The following TBP variants were observed in gnomAD, a reference collection of about 807,000 sequenced individuals.
TBP encodes TATA-box-binding protein.
Under a neutral mutation model 46.2 loss-of-function variants are expected in TBP, and 12 were observed. That is an observed-to-expected ratio of 0.26 (90% confidence interval 0.17 to 0.42). TBP has a LOEUF of 0.42. Ranked by LOEUF, TBP falls within the 10% of genes least tolerant of loss-of-function variation. TBP has a pLI of 1.00. For synonymous variants in TBP, 157 were observed against 148.3 expected (o/e 1.06, Z -0.42); for missense variants, 229 against 403.1 (o/e 0.57, Z 3.70).
chr6:170,570,226 G>T (rs1292184877), intron 6 of TBP, among the ~76,000 whole-genome samples: 1 of 152,186 alleles, frequency 6.6e-6, no homozygotes, highest in African/African-American at 2.4e-5. Context: ...CTCACAGGCA[G>T]GCAGCCCTGC....
chr6:170,567,152 T>C (rs1779270321), intron 5 of TBP, 143 bp downstream of exon 5: 2 of 304,514 alleles, frequency 6.6e-6, no homozygotes, highest in Non-Finnish European at 1.1e-5. Context: ...TTCTATTAAT[T>C]ATTTTTATTT....
intron 5 of TBP, among the ~76,000 whole-genome samples, chr6:170,569,218 T>C (rs1004659614): frequency 4.6e-5 from 7 of 152,252 alleles, no homozygotes; most frequent in Admixed American, 2.0e-4. Context: ...TAAAAGAGGA[T>C]AGAATTAGTG....
chr6:170,564,253 C>T (rs1475387868), intron 3 of TBP, among the ~76,000 whole-genome samples: 13 of 152,222 alleles, frequency 8.5e-5, no homozygotes, highest in Admixed American at 8.5e-4. Flanking sequence ...GGCTCCTCCA[C>T]TTGGGAGCCA....
At position 170,562,014 on chromosome 6, in the gene TBP, AG is replaced by A. The variant is rs757770542; in HGVS notation, c.279del (p.Gln93HisfsTer51). On this transcript the variant is annotated frameshift_variant, in exon 3 of 8. Coordinates refer to ENST00000392092, the MANE Select transcript of TBP (RefSeq NM_003194.5). LOFTEE classifies it high-confidence loss of function. ...QQQQQQQQQQ[Q>X]QQAVAAAAVQ... Reference sequence around the variant, plus strand: ...CAGCAGCAGCAGCAGCAGCAGCAGCAGCAACAGGCAGTGGCAGCTGCAGCCG... The same window carrying A: ...CAGCAGCAGCAGCAGCAGCAGCAGCACAACAGGCAGTGGCAGCTGCAGCCG... The A allele has an allele frequency of 1.7e-4, 272 of 1,599,772 alleles. No individual in the cohort carries two copies. The highest frequency in any genetic ancestry group is 1.2e-3 in the Middle Eastern group (7 of 5,996).
At chr6:170,570,337 T>C (rs962010616) in intron 6 of TBP, among the ~76,000 whole-genome samples, 3 of 152,182 alleles carry the variant, frequency 2.0e-5, no homozygotes, top group African/African-American at 7.2e-5. Context: ...CCCTAGGCCT[T>C]TGCACTTGCC....
chr6:170,564,778 T>C (rs1171038749), intron 4 of TBP, 146 bp downstream of exon 4: 3 of 390,424 alleles, frequency 7.7e-6, no homozygotes, highest in African/African-American at 2.1e-5. Flanking sequence ...CCCAGCACTT[T>C]GGGAGGCTGA....
intron 2 of TBP, among the ~76,000 whole-genome samples, chr6:170,558,890 C>T (rs752199935): frequency 6.6e-6 from 1 of 152,086 alleles, no homozygotes; most frequent in South Asian, 2.1e-4. Context: ...GACGGAGTTT[C>T]ACCATGCTGG....
chr6:170,558,899 G>A (rs1342379745), intron 2 of TBP, among the ~76,000 whole-genome samples: 1 of 152,014 alleles, frequency 6.6e-6, no homozygotes, highest in African/African-American at 2.4e-5. Flanking sequence ...TCACCATGCT[G>A]GTGTCAAACT....
At chr6:170,563,641 T>G (rs1007682821) in intron 3 of TBP, among the ~76,000 whole-genome samples, 1 of 152,208 alleles carries the variant, frequency 6.6e-6, no homozygotes, top group Non-Finnish European at 1.5e-5. Context: ...TATCATAGAC[T>G]GTACAAGAAA....
intron 4 of TBP, 24 bp downstream of exon 4, chr6:170,564,656 C>T: frequency 7.0e-7 from 1 of 1,426,994 alleles, no homozygotes; most frequent in Non-Finnish European, 9.5e-7. Flanking sequence ...TAATGTATTT[C>T]TTTTTTTTTT....
Position 170,557,060 on chromosome 6 carries a change from G to A in TBP, c.31G>A (p.Ala11Thr), listed in dbSNP as rs764142412. The A allele has an allele frequency of 4.3e-5, 70 of 1,614,022 alleles. No homozygotes were observed. The highest frequency in any genetic ancestry group is 6.6e-5 in the South Asian group (6 of 91,086). ...TCAGAACAACAGCCTGCCACCTTAC[G>A]CTCAGGGCTTGGCCTCCCCTCAGGT... is the stretch of plus-strand genomic sequence containing the variant. MDQNNSLPPY[A>T]QGLASPQGAM... The change falls in exon 2 of 8, where the codon GCT (alanine) becomes ACT (threonine). Residue 11 changes from alanine to threonine, a missense_variant. Physicochemically the swap from Ala to Thr is moderately conservative, Grantham distance 58. Around this residue, in one of 4 missense-constraint regions of TBP, gnomAD observed 49 missense variants for 94.7 expected, o/e 0.52. Transcript: ENST00000392092.
chr6:170,559,817 C>G (rs887967293), intron 2 of TBP, among the ~76,000 whole-genome samples: 4 of 152,188 alleles, frequency 2.6e-5, no homozygotes, highest in Non-Finnish European at 4.4e-5. Flanking sequence ...TGCCTAGCCT[C>G]AAAGCTTCAG....
Position 170,562,150 on chromosome 6 carries a change from G to A in TBP, c.414G>A (p.Leu138=), listed in dbSNP as rs1388693075. The change falls in exon 3 of 8, where the codon CTG becomes CTA. Residue 138 remains leucine (L), a synonymous_variant. Coordinates refer to ENST00000392092, the MANE Select transcript of TBP (RefSeq NM_003194.5). The part of the protein sequence containing the change: ...TTAPLPGTTP[L]YPSPMTPMTP... ...CACCCTTGCCGGGCACCACTCCACT[G>A]TATCCCTCCCCCATGACTCCCATGA... 6.2e-7 allele frequency: 1 copy of A among 1,614,102 alleles called. No individual in the cohort carries two copies. Among genetic ancestry groups the A allele is most frequent in the East Asian group, 2.2e-5 (1 of 44,872 alleles).
rs764009292 is a variant in TBP, at chr6:170,562,002, A to G, written c.266A>G (p.Gln89Arg). The G allele has an allele frequency of 1.1e-5, 17 of 1,607,222 alleles. No individual in the cohort carries two copies. The highest frequency in any genetic ancestry group is 2.2e-5 in the East Asian group (1 of 44,690). ...CAGCAGCAGCAGCAGCAGCAGCAGC[A>G]GCAGCAGCAGCAGCAACAGGCAGTG... is the stretch of plus-strand genomic sequence containing the variant. ...QQQQQQQQQQ[Q>R]QQQQQQAVAA... Residue 89 changes from glutamine to arginine, a missense_variant, in exon 3 of 8, where the codon CAG (glutamine) becomes CGG (arginine). Physicochemically the swap from Gln to Arg is conservative, Grantham distance 43. Coordinates refer to ENST00000392092, the MANE Select transcript of TBP (RefSeq NM_003194.5).
intron 2 of TBP, among the ~76,000 whole-genome samples, chr6:170,558,484 CCACCT>C (rs916829306): frequency 6.6e-6 from 1 of 152,096 alleles, no homozygotes; most frequent in African/African-American, 2.4e-5. Context: ...ATACACAGGC[CCACCT>C]CACTTTACTG....
At chr6:170,571,365 A>G in intron 6 of TBP, 45 bp from the exon 7 acceptor site, 1 of 1,406,318 alleles carries the variant, frequency 7.1e-7, no homozygotes, top group Middle Eastern at 2.4e-4. Flanking sequence ...ATCTAAAAGC[A>G]CACAAAGCTC....
In TBP at chr6:170,569,729, G is replaced by A. The variant is rs564803550; in HGVS notation, c.795G>A (p.Lys265=). 3.1e-6 allele frequency: 5 copies of A among 1,614,120 alleles called. No homozygotes were observed. Among genetic ancestry groups the A allele is most frequent in the Admixed American group, 1.7e-5 (1 of 60,016 alleles). Residue 265 remains lysine (K), a synonymous_variant, in exon 6 of 8, where the codon AAG becomes AAA. Coordinates refer to ENST00000392092, the MANE Select transcript of TBP (RefSeq NM_003194.5). ...IQNMVGSCDV[K]FPIRLEGLVL... is the part of the protein sequence containing the mutation. Reference sequence around the variant, plus strand: ...ATATGGTGGGGAGCTGTGATGTGAAGTTTCCTATAAGGTTAGAAGGCCTTG... The same window carrying A: ...ATATGGTGGGGAGCTGTGATGTGAAATTTCCTATAAGGTTAGAAGGCCTTG...
Position 170,572,345 on chromosome 6 carries a change from A to C in TBP, c.*80A>C. 8.5e-7 allele frequency: 1 copy of C among 1,175,388 alleles called. No homozygotes were observed. The allele number at this position is 1,175,388 out of a possible 1,614,324, so 72.8% of individuals were successfully genotyped here. ...AATCAGTTTGTTTTGGTACCTTTAA[A>C]TGGTGGTGTTGTGAGAAGATGGATG... On this transcript the variant is annotated 3_prime_UTR_variant, in exon 8 of 8. Coordinates refer to ENST00000392092, the MANE Select transcript of TBP (RefSeq NM_003194.5).
intron 4 of TBP, among the ~76,000 whole-genome samples, chr6:170,566,133 A>G (rs189438923): frequency 1.3e-5 from 2 of 152,270 alleles, no homozygotes; most frequent in Non-Finnish European, 2.9e-5. Flanking sequence ...TAGTTTGTCA[A>G]AGAGTCGTCT....
Sources: gnomAD v4.1 joint callset for allele counts (sites outside exome capture counted in the v4.1 genomes callset) on GRCh38, gnomAD v4.1.1 for gene constraint, gnomAD v4.1.1 regional missense constraint, MANE v1.5 for transcripts, NCBI Gene and HGNC (gene_info 2026-07-23, HGNC 2026-07-21) for gene names.